IQSEC2: variants seen among roughly 807,000 people sequenced by gnomAD.
IQSEC2 encodes the protein IQ motif and SEC7 domain-containing protein 2.
Under a neutral mutation model 74.6 loss-of-function variants are expected in IQSEC2, and 6 were observed. The ratio of observed to expected loss-of-function variants is 0.08; its 90% CI spans 0.04 to 0.16. The LOEUF (loss-of-function observed/expected upper bound fraction) is 0.16. Among genes scored for constraint, IQSEC2 ranks in the 10% least tolerant of loss-of-function variants. The probability of loss-of-function intolerance (pLI) is 1.00; values close to 1 mark genes in which losing one functional copy is unlikely to be tolerated. For missense variants in IQSEC2, 734 were observed against 1,306.2 expected (o/e 0.56, Z 6.75); for synonymous variants, 494 against 544.5 (o/e 0.91, Z 1.29).
intron 9 of IQSEC2, among the ~76,000 whole-genome samples, 160 bp downstream of exon 9, chrX:53,243,172 T>A (rs2074250513): frequency 8.9e-6 from 1 of 112,175 alleles, no homozygotes; most frequent in Non-Finnish European, 1.9e-5. Context: ...ATGTGCTCGA[T>A]GCATTCACTC....
intron 2 of IQSEC2, among the ~76,000 whole-genome samples, chrX:53,280,237 C>G (rs1279455586): frequency 9.5e-6 from 1 of 105,075 alleles, no homozygotes; most frequent in Non-Finnish European, 2.0e-5. Context: ...GGGGGCTCCC[C>G]TTAGAGAAGA....
Position 53,309,728 on chromosome X carries a change from C to A in IQSEC2, c.707+10689G>T, listed in dbSNP as rs782324147. Among the ~76,000 whole-genome samples, 4 of 112,162 alleles carry A rather than the reference C, an allele frequency of 3.6e-5. No individual in the cohort carries two copies. The East Asian group carries it at 8.4e-4, about 24-fold the overall frequency. On this transcript the variant is annotated intron_variant, in intron 1 of 14. Transcript: ENST00000642864. ...TATTTACACCCATTAGTTATTTATA[C>A]CTGCTTGAGTCACAAAGGATTTGAG...
At chrX:53,299,511 G>A (rs781869929) in intron 1 of IQSEC2, among the ~76,000 whole-genome samples, 1 of 111,418 alleles carries the variant, frequency 9.0e-6, no homozygotes, top group South Asian at 3.8e-4. Flanking sequence ...CTAGAAGTGG[G>A]GGAGTTGAAG....
intron 8 of IQSEC2, among the ~76,000 whole-genome samples, chrX:53,244,535 A>AAC (rs1556861671): frequency 3.6e-4 from 40 of 109,771 alleles, no homozygotes; most frequent in African/African-American, 6.7e-4. Context: ...CAAAAAAAAA[A>AAC]AAAAAAAACT....
rs146515872 is a variant in IQSEC2, at chrX:53,270,467, T to C, written c.738-14406A>G. Among the ~76,000 whole-genome samples the C allele has an allele frequency of 8.0e-3, 884 of 110,788 alleles. 8 individuals carry two copies. The highest frequency in any genetic ancestry group is 0.014 in the Non-Finnish European group (740 of 52,815). ...TATCTGGAACATCGTCCCTGAGAGG[T>C]ACACGGCTCACTCTCTTACCTCCTT... is the stretch of plus-strand genomic sequence containing the variant. On this transcript the variant is annotated intron_variant, in intron 2 of 14. Coordinates refer to ENST00000642864, the MANE Select transcript of IQSEC2 (RefSeq NM_001111125.3).
Position 53,233,781 on chromosome X carries a change from C to G in IQSEC2, c.*438G>C, listed in dbSNP as rs1297162395. 1.6e-4 allele frequency: 46 copies of G among 295,423 alleles called. No homozygotes were observed. Among genetic ancestry groups the G allele is most frequent in the Non-Finnish European group, 1.8e-4 (31 of 169,768 alleles). 24.3% of individuals were successfully genotyped at this position (295,423 alleles called of 1,213,427 possible). A position where few individuals can be genotyped will look rare whatever the true frequency, so the allele number is the denominator to read the frequency against. Reference sequence around the variant, plus strand: ...AACTCTACAGAGCGCTCTCCTAGCCCCACACGGCCAGAGGAGCCCCAGGGA... The same window carrying G: ...AACTCTACAGAGCGCTCTCCTAGCCGCACACGGCCAGAGGAGCCCCAGGGA... On this transcript the variant is annotated 3_prime_UTR_variant, in exon 15 of 15. Coordinates refer to ENST00000642864, the MANE Select transcript of IQSEC2 (RefSeq NM_001111125.3).
At position 53,234,444 on chromosome X, in the gene IQSEC2, G is replaced by A. The variant is rs2147001183; in HGVS notation, c.4242C>T (p.Ser1414=). The A allele has an allele frequency of 9.3e-7, 1 of 1,070,370 alleles. No homozygotes were observed. The highest frequency in any genetic ancestry group is 2.6e-5 in the South Asian group (1 of 39,214). The allele number at this position is 1,070,370 out of a possible 1,213,427, so 88.2% of individuals were successfully genotyped here. The change falls in exon 15 of 15, where the codon TCC becomes TCT. Residue 1414 remains serine, a synonymous_variant. Transcript: ENST00000642864. ...GGPGSRPPGG[S]YSHPHHPQSP... ...ACTGGGGGTGGTGGGGGTGGGAGTA[G>A]GAGCCCCCTGGTGGCCGGGATCCAG... is the stretch of plus-strand genomic sequence containing the variant.
intron 2 of IQSEC2, among the ~76,000 whole-genome samples, chrX:53,273,197 G>A (rs1460880575): frequency 3.7e-5 from 4 of 109,566 alleles, no homozygotes; most frequent in African/African-American, 1.0e-4. Flanking sequence ...GGAAGGGGAT[G>A]AAGGAAAGCT....
At chrX:53,294,010 T>C (rs2075126814) in intron 1 of IQSEC2, among the ~76,000 whole-genome samples, 1 of 111,504 alleles carries the variant, frequency 9.0e-6, no homozygotes, top group Non-Finnish European at 1.9e-5. Context: ...AAGCTCATGT[T>C]CCTACCACCA....
chrX:53,283,568 T>G (rs1195888419), intron 2 of IQSEC2, among the ~76,000 whole-genome samples: 2 of 111,936 alleles, frequency 1.8e-5, no homozygotes, highest in Admixed American at 1.9e-4. Context: ...TCAGGGATAG[T>G]GAGGAAGATT....
At chrX:53,296,536 T>C (rs1444571077) in intron 1 of IQSEC2, among the ~76,000 whole-genome samples, 1 of 111,485 alleles carries the variant, frequency 9.0e-6, no homozygotes, top group East Asian at 2.8e-4. Flanking sequence ...TGTCAGCTCC[T>C]TTCTCACACT....
chrX:53,308,690 C>T (rs1167394230), intron 1 of IQSEC2, among the ~76,000 whole-genome samples: 2 of 111,036 alleles, frequency 1.8e-5, no homozygotes, highest in African/African-American at 3.3e-5. Context: ...TTACAAAGTA[C>T]GTGGTCAAGA....
At chrX:53,244,990 G>A (rs1556861782) in intron 8 of IQSEC2, among the ~76,000 whole-genome samples, 1 of 109,686 alleles carries the variant, frequency 9.1e-6, no homozygotes, top group Non-Finnish European at 1.9e-5. Flanking sequence ...GAGAGAGAGA[G>A]GGAAAAAGAA....
rs1377311458 is a variant in IQSEC2 at position 53,266,534 on chromosome X, G to A, written c.738-10473C>T. 27 of 757,351 alleles carry A rather than the reference G, an allele frequency of 3.6e-5. No homozygotes were observed. The South Asian group carries it at 7.3e-4, about 21-fold the overall frequency. The allele number at this position is 757,351 out of a possible 1,213,427, so 62.4% of individuals were successfully genotyped here. Reference sequence around the variant, plus strand: ...ACTAGGCAGGCTGGGTCCTGCCCCCGTCTGGTCCTCTGAGCCCTAGGCACC... The same window carrying A: ...ACTAGGCAGGCTGGGTCCTGCCCCCATCTGGTCCTCTGAGCCCTAGGCACC... On this transcript the variant is annotated intron_variant, in intron 2 of 14. Coordinates refer to ENST00000642864, the MANE Select transcript of IQSEC2 (RefSeq NM_001111125.3).
intron 1 of IQSEC2, among the ~76,000 whole-genome samples, chrX:53,296,473 C>A (rs979158343): frequency 1.8e-5 from 2 of 111,946 alleles, no homozygotes; most frequent in Non-Finnish European, 3.8e-5. Context: ...GAACCGGCCC[C>A]GAATCAGCCT....
At chrX:53,238,443 C>A in intron 11 of IQSEC2, 137 bp from the exon 12 acceptor site, 1 of 594,309 alleles carries the variant, frequency 1.7e-6, no homozygotes, top group Non-Finnish European at 2.8e-6. Context: ...GCAGTGGTGC[C>A]ATCATGGCTC....
intron 1 of IQSEC2, among the ~76,000 whole-genome samples, chrX:53,319,527 A>G (rs2075408616): frequency 9.0e-6 from 1 of 111,301 alleles, no homozygotes; most frequent in African/African-American, 3.3e-5. Context: ...GAAATAAGGG[A>G]GCCTTTAGGG....
intron 2 of IQSEC2, among the ~76,000 whole-genome samples, chrX:53,270,343 CCTT>C (rs1221205101): frequency 9.0e-6 from 1 of 111,457 alleles, no homozygotes; most frequent in African/African-American, 3.3e-5. Context: ...TCCTCTCACT[CCTT>C]CTTCAGCCTT....
chrX:53,280,659 C>G (rs782809331), intron 2 of IQSEC2, among the ~76,000 whole-genome samples: 117 of 110,390 alleles, frequency 1.1e-3, no homozygotes, highest in African/African-American at 3.6e-3. Flanking sequence ...ATGCTGTGCC[C>G]CCACCACCCC....
Sources: gnomAD v4.1 joint callset for allele counts (sites outside exome capture counted in the v4.1 genomes callset) on GRCh38, gnomAD v4.1.1 for gene constraint, MANE v1.5 for transcripts, NCBI Gene and HGNC (gene_info 2026-07-23, HGNC 2026-07-21) for gene names.